The following HEMK2 variants were observed in gnomAD, a reference collection of about 807,000 sequenced individuals.
HEMK2 encodes the protein HemK methyltransferase 2, ETF1 glutamine and histone H4 lysine.
At chr21:28,684,880 C>G in the HEMK2 span, among the ~76,000 whole-genome samples, 1 of 152,068 alleles carries the variant, frequency 6.6e-6, no homozygotes, top group Non-Finnish European at 1.5e-5. Context: ...TAGTGGCCAC[C>G]AAAAAGATTT....
the HEMK2 span, among the ~76,000 whole-genome samples, chr21:28,666,077 A>G: frequency 6.6e-6 from 1 of 152,188 alleles, no homozygotes. Flanking sequence ...ATTATGCATG[A>G]TGCATATTTT....
the HEMK2 span, among the ~76,000 whole-genome samples, chr21:28,596,535 T>A: frequency 6.6e-6 from 1 of 152,208 alleles, no homozygotes; most frequent in African/African-American, 2.4e-5. Flanking sequence ...ATCCAGGATA[T>A]ACAGTGAAAG....
chr21:28,786,057 T>C, the HEMK2 span, among the ~76,000 whole-genome samples: 6 of 152,334 alleles, frequency 3.9e-5, no homozygotes, highest in Non-Finnish European at 7.3e-5. Context: ...GACAAGAACT[T>C]TGCATTATCT....
At chr21:28,718,434 G>A in the HEMK2 span, among the ~76,000 whole-genome samples, 39 of 152,274 alleles carry the variant, frequency 2.6e-4, 1 homozygote, top group Non-Finnish European at 5.9e-5. Flanking sequence ...AGTCTATTAG[G>A]TCTAATTGGT....
At chr21:28,613,253 G>T in the HEMK2 span, among the ~76,000 whole-genome samples, 15 of 151,916 alleles carry the variant, frequency 9.9e-5, no homozygotes, top group East Asian at 1.2e-3. Context: ...CTTGTATACT[G>T]GTGGACCTGA....
chr21:28,808,411 C>CA, the HEMK2 span, among the ~76,000 whole-genome samples: 45,690 of 126,746 alleles, frequency 0.36, 7,584 homozygotes, highest in Non-Finnish European at 0.42. Flanking sequence ...TCTACCCTTC[C>CA]AAAAAAAAAA....
the HEMK2 span, among the ~76,000 whole-genome samples, chr21:28,745,237 T>C: frequency 6.6e-6 from 1 of 152,218 alleles, no homozygotes; most frequent in Non-Finnish European, 1.5e-5. Context: ...TGCAATACTG[T>C]CATCTCGTGG....
chr21:28,885,306 C>A, the HEMK2 span: 1 of 1,587,970 alleles, frequency 6.3e-7, no homozygotes, highest in Non-Finnish European at 8.6e-7. Flanking sequence ...CCGCGGCCCA[C>A]GTGCCCGTGG....
chr21:28,729,302 G>T, the HEMK2 span, among the ~76,000 whole-genome samples: 1 of 152,170 alleles, frequency 6.6e-6, no homozygotes, highest in Non-Finnish European at 1.5e-5. Context: ...TCTAGGCCTT[G>T]AATGGGAGGG....
the HEMK2 span, among the ~76,000 whole-genome samples, chr21:28,604,383 C>T: frequency 6.6e-6 from 1 of 152,060 alleles, no homozygotes; most frequent in African/African-American, 2.4e-5. Flanking sequence ...GCACATTGTG[C>T]ACATGTACCC....
At chr21:28,632,247 G>A in the HEMK2 span, among the ~76,000 whole-genome samples, 1 of 152,188 alleles carries the variant, frequency 6.6e-6, no homozygotes, top group Non-Finnish European at 1.5e-5. Context: ...AAACTTAAAT[G>A]TGCATACAAA....
At chr21:28,631,412 A>G in the HEMK2 span, among the ~76,000 whole-genome samples, 5 of 152,214 alleles carry the variant, frequency 3.3e-5, no homozygotes, top group African/African-American at 1.2e-4. Context: ...AATAATTTCC[A>G]ATCCTAGCTG....
At chr21:28,880,727 A>G in the HEMK2 span, among the ~76,000 whole-genome samples, 645 of 151,396 alleles carry the variant, frequency 4.3e-3, 3 homozygotes, top group African/African-American at 0.015. Context: ...TGGGCGACAG[A>G]GTGAGACTGT....
At chr21:28,756,893 A>C in the HEMK2 span, among the ~76,000 whole-genome samples, 1 of 152,258 alleles carries the variant, frequency 6.6e-6, no homozygotes, top group Non-Finnish European at 1.5e-5. Flanking sequence ...AAGGGTGTCT[A>C]AGATTGATGT....
the HEMK2 span, among the ~76,000 whole-genome samples, chr21:28,678,353 A>G: frequency 1.3e-5 from 2 of 152,204 alleles, no homozygotes; most frequent in Non-Finnish European, 2.9e-5. Context: ...AAAAAAGAAT[A>G]AAAACAAACG....
the HEMK2 span, among the ~76,000 whole-genome samples, chr21:28,675,137 T>C: frequency 6.6e-6 from 1 of 152,214 alleles, no homozygotes; most frequent in East Asian, 1.9e-4. Flanking sequence ...TACCAAGTGC[T>C]TCCAAACAAC....
chr21:28,638,371 C>T, the HEMK2 span, among the ~76,000 whole-genome samples: 1 of 152,066 alleles, frequency 6.6e-6, no homozygotes, highest in African/African-American at 2.4e-5. Flanking sequence ...GCACGGTGCA[C>T]AGGCAAATTA....
chr21:28,805,187 T>C, the HEMK2 span, among the ~76,000 whole-genome samples: 12 of 152,312 alleles, frequency 7.9e-5, no homozygotes, highest in East Asian at 1.5e-3. Context: ...AGGTTGGCTA[T>C]AAAGCCGACT....
chr21:28,724,963 T>C, the HEMK2 span, among the ~76,000 whole-genome samples: 2 of 152,118 alleles, frequency 1.3e-5, no homozygotes, highest in Non-Finnish European at 1.5e-5. Flanking sequence ...TGAATTTTTT[T>C]GGTAGAGGCG....
Sources: allele counts gnomAD v4.1 joint callset (sites outside exome capture counted in the v4.1 genomes callset), GRCh38; gene constraint gnomAD v4.1.1; transcripts MANE v1.5; gene names NCBI Gene and HGNC (gene_info 2026-07-23, HGNC 2026-07-21).